Variants in PDE1C observed in about 807,000 individuals in gnomAD.
The protein encoded by PDE1C is phosphodiesterase 1C, also known as dual specificity calcium/calmodulin-dependent 3',5'-cyclic nucleotide phosphodiesterase 1C.
A neutral mutation model predicts 93.1 loss-of-function variants in PDE1C; 62 were observed. That is an observed-to-expected ratio of 0.67 (90% CI 0.54 to 0.82). PDE1C has a LOEUF of 0.82. PDE1C is among the 40% of genes least tolerant of loss of function. The probability of loss-of-function intolerance (pLI) is 0.00; values close to 1 mark genes in which losing one functional copy is unlikely to be tolerated. For synonymous variants in PDE1C, 325 were observed against 310.1 expected (o/e 1.05, Z -0.50); for missense variants, 742 against 884.6 (o/e 0.84, Z 2.04).
chr7:32,206,070 G>T (rs1445253838), intron 2 of PDE1C, among the ~76,000 whole-genome samples: 1 of 152,156 alleles, frequency 6.6e-6, no homozygotes, highest in Non-Finnish European at 1.5e-5. Flanking sequence ...TGTTTTTAGA[G>T]GGGTAAGGTT....
intron 3 of PDE1C, among the ~76,000 whole-genome samples, chr7:32,138,742 A>G (rs904949791): frequency 2.0e-5 from 3 of 152,222 alleles, no homozygotes; most frequent in Non-Finnish European, 4.4e-5. Flanking sequence ...CAGCTTATAT[A>G]GATAAACTGA....
chr7:32,279,357 A>G (rs1183655107), intron 1 of PDE1C, among the ~76,000 whole-genome samples: 1 of 152,222 alleles, frequency 6.6e-6, no homozygotes, highest in African/African-American at 2.4e-5. Context: ...CAACAGGTAC[A>G]AAGTTGCACT....
intron 2 of PDE1C, among the ~76,000 whole-genome samples, chr7:32,189,175 A>G (rs899786613): frequency 6.6e-6 from 1 of 152,222 alleles, no homozygotes; most frequent in African/African-American, 2.4e-5. Flanking sequence ...TTTGTCATAC[A>G]TAAAAAGAAT....
intron 1 of PDE1C, among the ~76,000 whole-genome samples, chr7:32,057,239 C>T (rs184803865): frequency 9.2e-5 from 14 of 152,270 alleles, no homozygotes; most frequent in East Asian, 7.7e-4. Context: ...TAACTCAATG[C>T]GGAGATCTCA....
intron 3 of PDE1C, among the ~76,000 whole-genome samples, chr7:32,131,410 T>C (rs1336801725): frequency 6.6e-6 from 1 of 152,130 alleles, no homozygotes; most frequent in Non-Finnish European, 1.5e-5. Context: ...TAATGATTTA[T>C]TTGTTGTTTG....
chr7:32,386,880 T>A (rs1451600611), intron 1 of PDE1C, among the ~76,000 whole-genome samples: 1 of 151,382 alleles, frequency 6.6e-6, no homozygotes, highest in Non-Finnish European at 1.5e-5. Context: ...TTTTTTTATT[T>A]TTATTTTTTT....
chr7:32,147,550 C>G (rs1800970024), intron 3 of PDE1C, among the ~76,000 whole-genome samples: 1 of 151,968 alleles, frequency 6.6e-6, no homozygotes, highest in Admixed American at 6.6e-5. Flanking sequence ...AGTGTAGAAC[C>G]CACACATGGA....
chr7:32,232,392 A>G (rs1807766446), intron 1 of PDE1C, among the ~76,000 whole-genome samples: 1 of 152,154 alleles, frequency 6.6e-6, no homozygotes, highest in Non-Finnish European at 1.5e-5. Context: ...ATCCCCTAAG[A>G]TACTGAAAAA....
the PDE1C span, among the ~76,000 whole-genome samples, chr7:31,699,783 TTTATTA>T: frequency 5.9e-5 from 9 of 152,160 alleles, no homozygotes; most frequent in South Asian, 2.1e-4. Context: ...TGTTTAGAAT[TTTATTA>T]TTATTATTAT....
At chr7:31,685,021 C>G in the PDE1C span, among the ~76,000 whole-genome samples, 1 of 152,192 alleles carries the variant, frequency 6.6e-6, no homozygotes, top group South Asian at 2.1e-4. Flanking sequence ...AGATGTCACA[C>G]CAACTGTGGT....
chr7:32,183,992 T>C (rs1584921059), intron 2 of PDE1C, among the ~76,000 whole-genome samples: 1 of 152,248 alleles, frequency 6.6e-6, no homozygotes, highest in East Asian at 1.9e-4. Context: ...GCAAAGGATA[T>C]GAACAGACAC....
chr7:31,645,788 G>A, the PDE1C span, among the ~76,000 whole-genome samples: 1 of 152,112 alleles, frequency 6.6e-6, no homozygotes, highest in Admixed American at 6.5e-5. Flanking sequence ...CAACAAGTGG[G>A]TAGAGGCCAG....
chr7:31,890,115 C>A (rs974247381), intron 2 of PDE1C, among the ~76,000 whole-genome samples: 21 of 152,086 alleles, frequency 1.4e-4, no homozygotes. Context: ...CCCACTTGTT[C>A]TTCTGGGTGA....
intron 2 of PDE1C, among the ~76,000 whole-genome samples, chr7:32,209,079 A>G (rs1233327088): frequency 6.6e-6 from 1 of 152,246 alleles, no homozygotes; most frequent in Admixed American, 6.5e-5. Context: ...GATTGAAAGG[A>G]TAGTCCTAGC....
At chr7:32,350,564 A>ACAGG (rs1562686447) in intron 1 of PDE1C, among the ~76,000 whole-genome samples, 45 of 528 alleles carry the variant, frequency 0.085, 22 homozygotes, top group Admixed American at 0.29. Context: ...ATATATATAT[A>ACAGG]TATATATATA....
chr7:31,699,878 C>T, the PDE1C span, among the ~76,000 whole-genome samples: 19 of 151,928 alleles, frequency 1.3e-4, no homozygotes, highest in Non-Finnish European at 2.5e-4. Flanking sequence ...GTGCCACAGA[C>T]CTCGCCCATA....
chr7:32,255,338 C>G (rs1809713521), intron 1 of PDE1C, among the ~76,000 whole-genome samples: 1 of 152,182 alleles, frequency 6.6e-6, no homozygotes, highest in Non-Finnish European at 1.5e-5. Flanking sequence ...GGGAAGGAGC[C>G]TGGGCTTTGG....
chr7:32,029,778 A>G (rs951305983), intron 2 of PDE1C, among the ~76,000 whole-genome samples: 8 of 152,170 alleles, frequency 5.3e-5, no homozygotes, highest in African/African-American at 1.7e-4. Flanking sequence ...AACATTGATT[A>G]CATGCACCAA....
intron 1 of PDE1C, among the ~76,000 whole-genome samples, chr7:32,391,712 A>T (rs1784754343): frequency 1.3e-5 from 2 of 152,172 alleles, no homozygotes. Context: ...AATATTTAGA[A>T]ATTAAACAAC....
Sources: allele counts gnomAD v4.1 joint callset (sites outside exome capture counted in the v4.1 genomes callset), GRCh38; gene constraint gnomAD v4.1.1; transcripts MANE v1.5; gene names NCBI Gene and HGNC (gene_info 2026-07-23, HGNC 2026-07-21).